The following SNX25 variants were observed in gnomAD, a reference collection of about 807,000 sequenced individuals.
The protein encoded by SNX25 is sorting nexin 25.
In SNX25, 62 loss-of-function variants were observed where a neutral mutation model predicts 113.7. The ratio of observed to expected loss-of-function variants is 0.55; its 90% confidence interval spans 0.44 to 0.67. The LOEUF (loss-of-function observed/expected upper bound fraction) is 0.67. Ranked by LOEUF, SNX25 falls within the 30% of genes least tolerant of loss-of-function variation. SNX25 has a pLI of 0.00. For synonymous variants in SNX25, 421 were observed against 436.2 expected (o/e 0.97, Z 0.43); for missense variants, 1,014 against 1,161.0 (o/e 0.87, Z 1.84).
rs555372656 is a variant in SNX25, at chr4:185,342,068, C to A, written c.2139C>A (p.Val713=). ...GAGTTGAAACTAAGAACTGGACGGT[C>A]CCCAGAAGGCTCAGCGAGTTTCAGA... is the stretch of plus-strand genomic sequence containing the variant. ...VGGVETKNWT[V]PRRLSEFQNL... The change falls in exon 12 of 19, where the codon GTC becomes GTA. Residue 713 remains valine (V), a synonymous_variant. Transcript: ENST00000652585. 1 of 1,608,062 alleles carries A rather than the reference C, an allele frequency of 6.2e-7. No homozygotes were observed. The highest frequency in any genetic ancestry group is 1.3e-5 in the African/African-American group (1 of 74,636).
rs2095367164 is a variant in SNX25 at position 185,362,119 on chromosome 4, T to TA, written c.2833+15dup. ...AAAACATTCCAGGTGAGGCCTGGGC[T>TA]ATTAGCCTGAAAAGCATAGAGATCT... On this transcript the variant is annotated intron_variant, in intron 17 of 18. Transcript: ENST00000652585. 1 of 1,597,600 alleles carries TA rather than the reference T, an allele frequency of 6.3e-7. No homozygotes were observed. The highest frequency in any genetic ancestry group is 1.7e-5 in the Admixed American group (1 of 57,882).
intron 1 of SNX25, among the ~76,000 whole-genome samples, chr4:185,216,234 A>C (rs963118893): frequency 1.3e-5 from 2 of 152,112 alleles, no homozygotes; most frequent in Non-Finnish European, 2.9e-5. Flanking sequence ...TGTTTATTCC[A>C]GATATATTTG....
intron 1 of SNX25, among the ~76,000 whole-genome samples, chr4:185,241,469 A>G (rs1420347447): frequency 9.1e-6 from 1 of 109,832 alleles, no homozygotes; most frequent in Non-Finnish European, 2.0e-5. Context: ...GACCGTGGAA[A>G]GAGAGGGAGA....
chr4:185,262,255 A>G (rs1747431937), intron 3 of SNX25, among the ~76,000 whole-genome samples: 1 of 152,154 alleles, frequency 6.6e-6, no homozygotes, highest in Admixed American at 6.5e-5. Context: ...CCATCATTCT[A>G]TTGCTGCTTT....
chr4:185,243,290 A>G (rs2126471512), intron 1 of SNX25, among the ~76,000 whole-genome samples: 1 of 152,280 alleles, frequency 6.6e-6, no homozygotes, highest in South Asian at 2.1e-4. Context: ...GCCACCATCT[A>G]TCTCCATAAC....
chr4:185,296,946 G>A (rs542700101), intron 6 of SNX25, among the ~76,000 whole-genome samples: 1 of 152,252 alleles, frequency 6.6e-6, no homozygotes, highest in South Asian at 2.1e-4. Flanking sequence ...GCTTTTTTCA[G>A]TGTTCATCTT....
At chr4:185,236,175 T>G (rs946556675) in intron 1 of SNX25, among the ~76,000 whole-genome samples, 2 of 152,212 alleles carry the variant, frequency 1.3e-5, no homozygotes, top group Admixed American at 1.3e-4. Context: ...GCCTTCAGCT[T>G]TATTCTCTCC....
intron 2 of SNX25, among the ~76,000 whole-genome samples, chr4:185,248,742 A>G (rs557889048): frequency 6.6e-6 from 1 of 152,372 alleles, no homozygotes; most frequent in Non-Finnish European, 1.5e-5. Context: ...TATACAATTC[A>G]GTAATTTTCA....
chr4:185,376,066 G>C, the SNX25 span, among the ~76,000 whole-genome samples: 1 of 152,038 alleles, frequency 6.6e-6, no homozygotes, highest in South Asian at 2.1e-4. Flanking sequence ...AAGTCTTCCC[G>C]GGGAAGTCAA....
intron 1 of SNX25, among the ~76,000 whole-genome samples, chr4:185,215,643 A>C (rs1206002312): frequency 2.0e-5 from 3 of 152,180 alleles, no homozygotes; most frequent in Admixed American, 1.3e-4. Context: ...AATGGCATAT[A>C]ATATATTTAC....
At chr4:185,213,385 G>A (rs534777839) in intron 1 of SNX25, among the ~76,000 whole-genome samples, 9 of 152,286 alleles carry the variant, frequency 5.9e-5, no homozygotes, top group South Asian at 2.1e-4. Context: ...CCAGACTTCC[G>A]TGGTATCTTC....
In SNX25 at chr4:185,346,573, C is replaced by A. The variant is rs1363439863; in HGVS notation, c.2224C>A (p.Leu742Ile). The A allele has an allele frequency of 1.0e-5, 16 of 1,596,952 alleles. No individual in the cohort carries two copies. Among genetic ancestry groups the A allele is most frequent in the Non-Finnish European group, 1.2e-5 (14 of 1,175,702 alleles). The change falls in exon 13 of 19, where the codon CTT becomes ATT. Residue 742 changes from leucine (L) to isoleucine (I), a missense_variant. Leu to Ile is a conservative substitution (Grantham distance 5, BLOSUM62 2). Coordinates refer to ENST00000652585, the MANE Select transcript of SNX25 (RefSeq NM_001378034.2). Reference sequence around the variant, plus strand: ...TTTAAAAAAAGTCCAGTTGCCTTCTCTTAGCAAGCTGCCTTTCAAATCTAT... The same window carrying A: ...TTTAAAAAAAGTCCAGTTGCCTTCTATTAGCAAGCTGCCTTTCAAATCTAT... ...PSLKKVQLPS[L>I]SKLPFKSIDQ...
chr4:185,206,660 CAAA>C (rs375061067), upstream of SNX25, among the ~76,000 whole-genome samples: 120 of 77,436 alleles, frequency 1.5e-3, no homozygotes, highest in African/African-American at 5.9e-3. Flanking sequence ...ACTCTTGTCT[CAAA>C]AAAAAAAAAA....
Position 185,210,247 on chromosome 4 carries a change from C to A in SNX25, c.421C>A (p.Pro141Thr). ...RLAATSAARRPPGSPVYGNSH... is the reference protein window; with the variant it reads ...RLAATSAARRTPGSPVYGNSH... ...GGCCGCGACCTCAGCCGCCCGCCGCCCGCCGGGGGTAAGTACCCGACTCCT... is the reference window on the plus strand; with the variant it reads ...GGCCGCGACCTCAGCCGCCCGCCGCACGCCGGGGGTAAGTACCCGACTCCT... The change falls in exon 1 of 19, where the codon CCG becomes ACG. Residue 141 changes from proline to threonine, a missense_variant. By Grantham distance (38) the Pro-to-Thr change is conservative. Coordinates refer to ENST00000652585, the MANE Select transcript of SNX25 (RefSeq NM_001378034.2). The surrounding 1 kb of genome is among the most constrained non-coding windows in gnomAD (Gnocchi z 4.4). 3.0e-6 allele frequency: 3 copies of A among 984,952 alleles called. No individual in the cohort carries two copies. Among genetic ancestry groups the A allele is most frequent in the Non-Finnish European group, 3.6e-6 (3 of 830,064 alleles). The allele number at this position is 984,952 out of a possible 1,614,324, so 61.0% of individuals were successfully genotyped here.
intron 10 of SNX25, among the ~76,000 whole-genome samples, chr4:185,333,972 C>G (rs1199740840): frequency 1.3e-5 from 2 of 149,964 alleles, no homozygotes; most frequent in Non-Finnish European, 2.9e-5. Context: ...TCTCTTGAAT[C>G]TGGAAAGTCA....
chr4:185,337,607 A>G (rs2095238288), intron 10 of SNX25, among the ~76,000 whole-genome samples: 1 of 152,192 alleles, frequency 6.6e-6, no homozygotes, highest in African/African-American at 2.4e-5. Context: ...TTTTTGGTAT[A>G]TACCTAGTAG....
downstream of SNX25, chr4:185,374,478 A>G (rs753634565): frequency 1.2e-6 from 2 of 1,605,152 alleles, no homozygotes; most frequent in South Asian, 2.2e-5. Context: ...CAAAAGAAAG[A>G]GCAAAAAAAC....
intron 16 of SNX25, among the ~76,000 whole-genome samples, chr4:185,359,691 C>T (rs1203693606): frequency 6.6e-6 from 1 of 152,076 alleles, no homozygotes; most frequent in African/African-American, 2.4e-5. Flanking sequence ...AAAGAAATTC[C>T]CAAAATGGCC....
At chr4:185,224,518 AATATATATACAT>A (rs1740610562) in intron 1 of SNX25, among the ~76,000 whole-genome samples, 9 of 115,278 alleles carry the variant, frequency 7.8e-5, no homozygotes, top group African/African-American at 2.9e-4. Flanking sequence ...TAGATATATA[AATATATATACAT>A]ATATATAAAT....
Sources: allele counts gnomAD v4.1 joint callset (sites outside exome capture counted in the v4.1 genomes callset), GRCh38; gene constraint gnomAD v4.1.1; non-coding constraint Gnocchi (gnomAD v3.1); transcripts MANE v1.5; gene names NCBI Gene and HGNC (gene_info 2026-07-23, HGNC 2026-07-21).